Variants in PTPRT observed in about 807,000 individuals in gnomAD.
PTPRT encodes protein tyrosine phosphatase receptor type T.
A neutral mutation model predicts 176.8 loss-of-function variants in PTPRT; 56 were observed. The ratio of observed to expected loss-of-function variants is 0.32; its 90% CI spans 0.26 to 0.40. The LOEUF (loss-of-function observed/expected upper bound fraction) is 0.40, where lower values mean the gene tolerates loss of function less well. Ranked by LOEUF, PTPRT falls within the 10% of genes least tolerant of loss-of-function variation. PTPRT has a pLI of 1.00. For missense variants in PTPRT, 1,540 were observed against 1,908.2 expected, an observed-to-expected ratio of 0.81 and a Z score of 3.60; for synonymous variants, 783 against 739.0, an observed-to-expected ratio of 1.06 and a Z score of -0.96.
At chr20:42,400,875 G>A (rs2145702854) in intron 9 of PTPRT, among the ~76,000 whole-genome samples, 1 of 152,142 alleles carries the variant, frequency 6.6e-6, no homozygotes, top group East Asian at 1.9e-4. Flanking sequence ...AACAGTGTGG[G>A]AGTAATTCTA....
At chr20:42,348,370 T>TTTTA (rs145685236) in intron 11 of PTPRT, among the ~76,000 whole-genome samples, 32,688 of 146,412 alleles carry the variant, frequency 0.22, 4,174 homozygotes, top group Non-Finnish European at 0.29. Flanking sequence ...GTGACATTTC[T>TTTTA]TTTATTTATT....
At chr20:42,833,864 TA>T (rs1227572873) in intron 2 of PTPRT, among the ~76,000 whole-genome samples, 3 of 152,262 alleles carry the variant, frequency 2.0e-5, no homozygotes, top group Admixed American at 6.5e-5. Flanking sequence ...TCACTATATG[TA>T]AAAGTTTACT....
chr20:42,369,766 G>C lies in PTPRT; in HGVS notation c.1561-17481C>G, dbSNP rs1276675249. On this transcript the variant is annotated intron_variant, in intron 9 of 30. Coordinates refer to ENST00000373187, the MANE Select transcript of PTPRT (RefSeq NM_007050.6). ...GAGACAATGGGGAAGAGAAAAGGAA[G>C]AGAAGCCTGGGTATCGGGTTTCCAA... Among the ~76,000 whole-genome samples, 5 of 152,190 alleles carry C rather than the reference G, an allele frequency of 3.3e-5. No individual in the cohort carries two copies. In the East Asian group the frequency reaches 9.6e-4, roughly 29 times the overall value.
intron 1 of PTPRT, among the ~76,000 whole-genome samples, chr20:43,137,780 A>G (rs538004422): frequency 2.0e-4 from 31 of 152,120 alleles, no homozygotes; most frequent in African/African-American, 2.7e-4. Context: ...AGACACACAC[A>G]CGCGCGTACA....
intron 5 of PTPRT, among the ~76,000 whole-genome samples, chr20:42,767,126 T>G (rs1214224449): frequency 6.6e-6 from 1 of 152,152 alleles, no homozygotes; most frequent in Non-Finnish European, 1.5e-5. Context: ...GTGGCAGGTG[T>G]GTTGATAGGT....
chr20:42,918,287 C>T (rs1978913491), intron 1 of PTPRT, among the ~76,000 whole-genome samples: 1 of 152,106 alleles, frequency 6.6e-6, no homozygotes, highest in African/African-American at 2.4e-5. Flanking sequence ...TTAAGAAATC[C>T]CCCCATCTCC....
intron 1 of PTPRT, among the ~76,000 whole-genome samples, chr20:43,019,904 C>A (rs1985576669): frequency 6.6e-6 from 1 of 151,924 alleles, no homozygotes; most frequent in Non-Finnish European, 1.5e-5. Flanking sequence ...ACCCTCTGGG[C>A]TCTCAAAACT....
In PTPRT at chr20:42,077,758, T is replaced by TGA. The variant is rs5841443; in HGVS notation, c.*3119_*3120dup. Reference sequence around the variant, plus strand: ...GTTGGGTTGTGGGAAAATAAGGGGATGAGCTGGGGGAAATCATCACTGGCC... The same window carrying TGA: ...GTTGGGTTGTGGGAAAATAAGGGGATGAGAGCTGGGGGAAATCATCACTGGCC... On this transcript the variant is annotated 3_prime_UTR_variant, in exon 31 of 31. Coordinates refer to ENST00000373187, the MANE Select transcript of PTPRT (RefSeq NM_007050.6). 0.27 allele frequency: 55,455 copies of TGA among 202,280 alleles called. 8,286 individuals are homozygous for TGA. Among genetic ancestry groups the TGA allele is most frequent in the Non-Finnish European group, 0.3 (29,990 of 98,528 alleles). The allele number at this position is 202,280 out of a possible 1,614,324, so 12.5% of individuals were successfully genotyped here. A position where few individuals can be genotyped will look rare whatever the true frequency, so the allele number is the denominator to read the frequency against.
chr20:42,580,506 T>C (rs903357603), intron 7 of PTPRT, among the ~76,000 whole-genome samples: 4 of 152,160 alleles, frequency 2.6e-5, no homozygotes, highest in Non-Finnish European at 4.4e-5. Context: ...GTATGGCCAT[T>C]TTCACGATAT....
At chr20:42,883,941 C>T (rs1484388694) in intron 2 of PTPRT, among the ~76,000 whole-genome samples, 1 of 143,670 alleles carries the variant, frequency 7.0e-6, no homozygotes, top group Non-Finnish European at 1.5e-5. Flanking sequence ...CATGCACACA[C>T]ACCACACCCA....
At chr20:43,137,861 C>T (rs1568806808) in intron 1 of PTPRT, among the ~76,000 whole-genome samples, 1 of 152,224 alleles carries the variant, frequency 6.6e-6, no homozygotes, top group Non-Finnish European at 1.5e-5. Context: ...GAATATTAAA[C>T]TCAAGCTGCC....
intron 2 of PTPRT, among the ~76,000 whole-genome samples, chr20:42,803,780 C>T (rs898156044): frequency 2.6e-5 from 4 of 152,304 alleles, no homozygotes; most frequent in Admixed American, 2.0e-4. Context: ...TCTAGAACTC[C>T]TGACCTCAGG....
chr20:42,163,449 A>G (rs1441706339), intron 16 of PTPRT, among the ~76,000 whole-genome samples: 2 of 152,232 alleles, frequency 1.3e-5, no homozygotes, highest in African/African-American at 4.8e-5. Flanking sequence ...GGTAATAGCT[A>G]GTACATGTTC....
intron 3 of PTPRT, among the ~76,000 whole-genome samples, chr20:42,785,158 TAAAC>T (rs1382043652): frequency 6.6e-6 from 1 of 152,052 alleles, no homozygotes. Flanking sequence ...TAAAAGTAAA[TAAAC>T]AAACAAGCCC....
chr20:42,425,817 C>A (rs1366809935), intron 9 of PTPRT, among the ~76,000 whole-genome samples: 1 of 152,052 alleles, frequency 6.6e-6, no homozygotes, highest in Admixed American at 6.6e-5. Flanking sequence ...AGACATTATC[C>A]CAGCAAACAG....
intron 1 of PTPRT, among the ~76,000 whole-genome samples, chr20:42,945,576 G>T (rs1453624470): frequency 6.6e-6 from 1 of 152,110 alleles, no homozygotes; most frequent in African/African-American, 2.4e-5. Flanking sequence ...GTCCCATCAG[G>T]GCCTCCAAGG....
intron 7 of PTPRT, among the ~76,000 whole-genome samples, chr20:42,515,045 T>TTATCTTAATTGCCATCGGATCTATAGA (rs2072035188): frequency 6.6e-6 from 1 of 152,202 alleles, no homozygotes; most frequent in Non-Finnish European, 1.5e-5. Flanking sequence ...ACTGGGGGTT[T>TTATCTTAATTGCCATCGGATCTATAGA]TATCTTAATT....
chr20:42,839,783 A>G (rs1311874885), intron 2 of PTPRT, among the ~76,000 whole-genome samples: 1 of 152,142 alleles, frequency 6.6e-6, no homozygotes, highest in Non-Finnish European at 1.5e-5. Flanking sequence ...AATAAGTGGT[A>G]CTCTAGGTTG....
chr20:43,186,424 G>A (rs773390075), intron 1 of PTPRT, among the ~76,000 whole-genome samples: 17 of 150,900 alleles, frequency 1.1e-4, no homozygotes, highest in Middle Eastern at 3.4e-3. Flanking sequence ...AAGGACCACC[G>A]CCTACACAGC....
Sources: gnomAD v4.1 joint callset for allele counts (sites outside exome capture counted in the v4.1 genomes callset) on GRCh38, gnomAD v4.1.1 for gene constraint, MANE v1.5 for transcripts, NCBI Gene and HGNC (gene_info 2026-07-23, HGNC 2026-07-21) for gene names.